The following DNM3 variants were observed in gnomAD, a reference collection of about 807,000 sequenced individuals.
DNM3 encodes the protein dynamin-3.
In DNM3, 47 loss-of-function variants were observed where a neutral mutation model predicts 101.6. The observed-to-expected ratio is 0.46, with a 90% CI of 0.37 to 0.59. DNM3 has a LOEUF of 0.59. Among genes scored for constraint, DNM3 ranks in the 20% least tolerant of loss-of-function variants. The probability of loss-of-function intolerance (pLI) is 0.00; values close to 1 mark genes in which losing one functional copy is unlikely to be tolerated. For synonymous variants in DNM3, 385 were observed against 387.9 expected (o/e 0.99, Z 0.09); for missense variants, 849 against 1,085.7 (o/e 0.78, Z 3.06).
chr1:172,393,098 T>C (rs956770188), intron 20 of DNM3: 1 of 152,216 alleles, frequency 6.6e-6, no homozygotes, highest in Non-Finnish European at 1.5e-5. Flanking sequence ...AGAGTTTCAT[T>C]GTAATCCCAC....
At chr1:171,980,251 A>G (rs2125585471) in intron 2 of DNM3, among the ~76,000 whole-genome samples, 1 of 151,890 alleles carries the variant, frequency 6.6e-6, no homozygotes, top group East Asian at 1.9e-4. Flanking sequence ...ATATAACTAA[A>G]CTAAAATTCT....
intron 14 of DNM3, chr1:172,144,450 A>C (rs1314837119): frequency 3.2e-6 from 1 of 311,958 alleles, no homozygotes; most frequent in African/African-American, 2.2e-5. Context: ...GTGAAGAAAA[A>C]CACTGGATAT....
At chr1:172,035,018 C>A (rs771544722) in intron 6 of DNM3, among the ~76,000 whole-genome samples, 1 of 151,924 alleles carries the variant, frequency 6.6e-6, no homozygotes, top group Non-Finnish European at 1.5e-5. Flanking sequence ...AAGAGTAGAC[C>A]AGTTAGAAGT....
At chr1:171,860,479 G>T (rs971703365) in intron 1 of DNM3, among the ~76,000 whole-genome samples, 9 of 152,062 alleles carry the variant, frequency 5.9e-5, no homozygotes, top group African/African-American at 2.2e-4. Context: ...ATTATAAGTT[G>T]GAGAAATTGG....
In DNM3 at chr1:171,955,070, G is replaced by T. The variant is rs185775193; in HGVS notation, c.236-32586G>T. The stretch of plus-strand genomic sequence containing the variant: ...TTGAAGTACTTCTGTGGGCAGTACT[G>T]CTAAGTGATAGCAACCTTCTACCTT... On this transcript the variant is annotated intron_variant, in intron 2 of 20. Coordinates refer to ENST00000627582, the MANE Select transcript of DNM3 (RefSeq NM_015569.5). Among the ~76,000 whole-genome samples, 174 of 152,306 alleles carry T rather than the reference G, an allele frequency of 1.1e-3. 3 individuals are homozygous for T. In the South Asian group the frequency reaches 0.025, roughly 22 times the overall value.
chr1:172,248,021 G>A (rs1163968223), intron 14 of DNM3, among the ~76,000 whole-genome samples: 2 of 152,024 alleles, frequency 1.3e-5, no homozygotes, highest in East Asian at 1.9e-4. Context: ...TCTCTTTTAA[G>A]TTCTACCATT....
intron 16 of DNM3, among the ~76,000 whole-genome samples, chr1:172,311,722 C>A (rs1250835954): frequency 6.6e-6 from 1 of 152,158 alleles, no homozygotes; most frequent in Non-Finnish European, 1.5e-5. Flanking sequence ...ATCAAAAAGA[C>A]AAAGAAATAT....
chr1:171,991,998 A>T (rs12077603), intron 4 of DNM3, among the ~76,000 whole-genome samples: 2 of 152,006 alleles, frequency 1.3e-5, no homozygotes, highest in African/African-American at 4.8e-5. Flanking sequence ...ATTCTTTTCA[A>T]GGGTGACAAG....
intron 14 of DNM3, among the ~76,000 whole-genome samples, chr1:172,169,482 T>C (rs888731337): frequency 1.3e-5 from 2 of 151,956 alleles, no homozygotes; most frequent in Non-Finnish European, 2.9e-5. Context: ...CTAAGGGTGT[T>C]TGGTTTTCAA....
At chr1:172,244,913 A>G (rs2061893692) in intron 14 of DNM3, among the ~76,000 whole-genome samples, 1 of 152,220 alleles carries the variant, frequency 6.6e-6, no homozygotes, top group Non-Finnish European at 1.5e-5. Context: ...CTTAAAAGCA[A>G]TAAACACCAG....
chr1:172,080,073 G>A (rs1478533725), intron 11 of DNM3, among the ~76,000 whole-genome samples: 1 of 152,202 alleles, frequency 6.6e-6, no homozygotes, highest in African/African-American at 2.4e-5. Flanking sequence ...CTGCTGGAAG[G>A]TGTCTCCCAG....
intron 10 of DNM3, among the ~76,000 whole-genome samples, chr1:172,060,817 CA>C (rs1370432870): frequency 2.8e-5 from 2 of 72,014 alleles, no homozygotes; most frequent in Non-Finnish European, 5.0e-5. Context: ...ACACCAAAAG[CA>C]ATGGCAACAA....
At chr1:171,970,576 A>G (rs1240438668) in intron 2 of DNM3, among the ~76,000 whole-genome samples, 1 of 152,108 alleles carries the variant, frequency 6.6e-6, no homozygotes, top group East Asian at 1.9e-4. Context: ...TAAGATATAT[A>G]ATTATCCTCC....
At chr1:171,979,098 G>GAAGGA (rs1471211055) in intron 2 of DNM3, among the ~76,000 whole-genome samples, 1 of 152,116 alleles carries the variant, frequency 6.6e-6, no homozygotes, top group Non-Finnish European at 1.5e-5. Flanking sequence ...GAAGAGAAGG[G>GAAGGA]AAGGAACAGT....
chr1:171,931,384 T>G (rs1558284889), intron 2 of DNM3, among the ~76,000 whole-genome samples: 1 of 152,188 alleles, frequency 6.6e-6, no homozygotes, highest in Non-Finnish European at 1.5e-5. Flanking sequence ...TTGAAAAAAG[T>G]AAATTATTTG....
At chr1:172,022,451 T>C (rs1337671946) in intron 4 of DNM3, among the ~76,000 whole-genome samples, 1 of 152,156 alleles carries the variant, frequency 6.6e-6, no homozygotes, top group African/African-American at 2.4e-5. Flanking sequence ...AAGAAAATGG[T>C]CCCCTTTGCC....
intron 14 of DNM3, among the ~76,000 whole-genome samples, chr1:172,147,580 T>C (rs1260764438): frequency 6.6e-6 from 1 of 152,140 alleles, no homozygotes; most frequent in East Asian, 1.9e-4. Context: ...TTTATGACTT[T>C]GGAAATTCTC....
At chr1:172,265,298 C>T (rs2062816557) in intron 15 of DNM3, among the ~76,000 whole-genome samples, 1 of 151,298 alleles carries the variant, frequency 6.6e-6, no homozygotes, top group Admixed American at 6.6e-5. Flanking sequence ...ATAATCTTTA[C>T]AAGCCAGGTG....
chr1:172,194,055 G>A (rs1306507252), intron 14 of DNM3, among the ~76,000 whole-genome samples: 3 of 152,092 alleles, frequency 2.0e-5, no homozygotes, highest in African/African-American at 7.2e-5. Context: ...ATTCTGGTAT[G>A]TTGTGTCTTT....
Sources: allele counts gnomAD v4.1 joint callset (sites outside exome capture counted in the v4.1 genomes callset), GRCh38; gene constraint gnomAD v4.1.1; transcripts MANE v1.5; gene names NCBI Gene and HGNC (gene_info 2026-07-23, HGNC 2026-07-21).